The following NOL4L variants were observed in gnomAD, a reference collection of about 807,000 sequenced individuals.
NOL4L encodes nucleolar protein 4 like.
In NOL4L, 7 loss-of-function variants were observed where a neutral mutation model predicts 64.5. The ratio of observed to expected loss-of-function variants is 0.11; its 90% confidence interval spans 0.06 to 0.20. NOL4L has a LOEUF of 0.20. Among genes scored for constraint, NOL4L ranks in the 10% least tolerant of loss-of-function variants. NOL4L has a pLI of 1.00. For missense variants in NOL4L, 680 were observed against 967.1 expected (o/e 0.70, Z 3.94); for synonymous variants, 413 against 401.0 (o/e 1.03, Z -0.36).
intron 2 of NOL4L, among the ~76,000 whole-genome samples, chr20:32,526,270 T>C (rs2018129043): frequency 6.6e-6 from 1 of 152,138 alleles, no homozygotes; most frequent in Admixed American, 6.5e-5. Flanking sequence ...TGGGTGCCTC[T>C]TCCTTCTTCT....
intron 1 of NOL4L, among the ~76,000 whole-genome samples, chr20:32,554,631 G>A (rs1462582278): frequency 6.6e-6 from 1 of 152,066 alleles, no homozygotes; most frequent in Non-Finnish European, 1.5e-5. Flanking sequence ...ACCCTCTCCT[G>A]GGAAACCCCC....
chr20:32,556,274 TGG>T (rs58089481), intron 1 of NOL4L, among the ~76,000 whole-genome samples: 6,017 of 144,124 alleles, frequency 0.042, 374 homozygotes, highest in African/African-American at 0.14. Context: ...ATTTCCTTTG[TGG>T]GGGGGGGGGG....
At chr20:32,515,834 G>C (rs2145564700) in intron 3 of NOL4L, among the ~76,000 whole-genome samples, 1 of 152,346 alleles carries the variant, frequency 6.6e-6, no homozygotes, top group South Asian at 2.1e-4. Context: ...TCATCCAGCA[G>C]GTTGCTGGCA....
Position 32,453,750 on chromosome 20 carries a change from G to A in NOL4L, c.1131C>T (p.Tyr377=). Residue 377 remains tyrosine (Y), a synonymous_variant, in exon 7 of 11, where the codon TAC becomes TAT. Transcript: ENST00000621426. This position sits in a 1 kb window ranked among gnomAD's most constrained non-coding sequence, Gnocchi z 5.6. ...TGATGGAATCGTAGCTCCCAGAGCT[G>A]TAGGGGGGGGACTAAAAGGAGGGCA... The part of the protein sequence containing the change: ...GVKTTPESPP[Y]SSGSYDSIKT... The A allele has an allele frequency of 6.4e-7, 1 of 1,553,232 alleles. No homozygotes were observed. The highest frequency in any genetic ancestry group is 2.4e-5 in the East Asian group (1 of 41,150).
At chr20:32,518,060 G>C (rs1481511855) in intron 3 of NOL4L, among the ~76,000 whole-genome samples, 1 of 152,150 alleles carries the variant, frequency 6.6e-6, no homozygotes, top group Non-Finnish European at 1.5e-5. Flanking sequence ...CACACAGTGG[G>C]GAACAGGGCT....
intron 4 of NOL4L, among the ~76,000 whole-genome samples, chr20:32,499,094 G>C (rs1387032973): frequency 6.6e-6 from 1 of 152,110 alleles, no homozygotes; most frequent in African/African-American, 2.4e-5. Context: ...GGTCAGGCTG[G>C]TCTCAAACTC....
At chr20:32,450,748 C>T (rs1368260492) in intron 10 of NOL4L, among the ~76,000 whole-genome samples, 1 of 152,120 alleles carries the variant, frequency 6.6e-6, no homozygotes, top group Non-Finnish European at 1.5e-5. Context: ...ACCACCCTCA[C>T]CTCACCTGCT....
At chr20:32,494,421 G>T (rs2016606049) in intron 4 of NOL4L, among the ~76,000 whole-genome samples, 1 of 152,018 alleles carries the variant, frequency 6.6e-6, no homozygotes, top group African/African-American at 2.4e-5. Flanking sequence ...TGCTGTTCCT[G>T]CTCCCCTGCC....
intron 4 of NOL4L, among the ~76,000 whole-genome samples, chr20:32,503,211 A>G (rs1568663706): frequency 6.6e-6 from 1 of 152,200 alleles, no homozygotes; most frequent in African/African-American, 2.4e-5. Flanking sequence ...AGGGCCAGAA[A>G]TTTACTGAGA....
At chr20:32,489,118 T>A (rs1000730394) in intron 4 of NOL4L, among the ~76,000 whole-genome samples, 1 of 146,034 alleles carries the variant, frequency 6.8e-6, no homozygotes, top group South Asian at 2.1e-4. Flanking sequence ...CATTTTTATA[T>A]CATCTGATTT....
intron 1 of NOL4L, among the ~76,000 whole-genome samples, chr20:32,562,056 C>T (rs145239114): frequency 4.6e-5 from 7 of 152,222 alleles, no homozygotes; most frequent in Non-Finnish European, 5.9e-5. Context: ...AGACCACAGG[C>T]GCGCTTACTC....
At position 32,485,058 on chromosome 20, in the gene NOL4L, C is replaced by CAAAAAAAAAAAAAAAAAAAAAAAAA. The variant is rs57444583; in HGVS notation, c.700-10341_700-10317dup. Among the ~76,000 whole-genome samples, 45 of 17,808 alleles carry CAAAAAAAAAAAAAAAAAAAAAAAAA rather than the reference C, an allele frequency of 2.5e-3. 2 individuals carry two copies. The highest frequency in any genetic ancestry group is 0.031 in the Middle Eastern group (1 of 32). The allele number at this position is 17,808 out of a possible 152,430, so 11.7% of individuals were successfully genotyped here. ...TCGTGGAATTCTGTGGGGAAATTGC[C>CAAAAAAAAAAAAAAAAAAAAAAAAA]AAAAAAAAAAAAAAAAAAAAAAAAA... On this transcript the variant is annotated intron_variant, in intron 4 of 10. Coordinates refer to ENST00000621426, the MANE Select transcript of NOL4L (RefSeq NM_001256798.2).
At chr20:32,459,813 C>T (rs190492656) in intron 5 of NOL4L, among the ~76,000 whole-genome samples, 149 of 152,334 alleles carry the variant, frequency 9.8e-4, no homozygotes, top group African/African-American at 3.2e-3. Context: ...GGATGACAGA[C>T]GTGAGCCACT....
intron 4 of NOL4L, chr20:32,509,879 G>A (rs775801227): frequency 2.3e-6 from 3 of 1,304,268 alleles, no homozygotes; most frequent in South Asian, 2.5e-5. Context: ...TTCTTCATGG[G>A]CACAGATGAG....
At chr20:32,535,539 C>T in intron 1 of NOL4L, 1 of 974,158 alleles carries the variant, frequency 1.0e-6, no homozygotes, top group African/African-American at 1.8e-5. Flanking sequence ...ACAGGCCTCA[C>T]ATATTCCAAG....
chr20:32,484,042 GC>G (rs2015930238), intron 4 of NOL4L, among the ~76,000 whole-genome samples: 1 of 151,964 alleles, frequency 6.6e-6, no homozygotes. Flanking sequence ...TCCGGTGGGG[GC>G]TGGGGGGAGA....
At chr20:32,522,582 G>T (rs2017984303) in intron 2 of NOL4L, among the ~76,000 whole-genome samples, 1 of 152,246 alleles carries the variant, frequency 6.6e-6, no homozygotes, top group African/African-American at 2.4e-5. Context: ...GCAGCAAGAA[G>T]GGCCCTGCCC....
intron 4 of NOL4L, among the ~76,000 whole-genome samples, chr20:32,508,352 G>A (rs1164846664): frequency 6.6e-6 from 1 of 152,204 alleles, no homozygotes; most frequent in Non-Finnish European, 1.5e-5. Flanking sequence ...AGACTGCTGG[G>A]TCCTTGGCCC....
intron 5 of NOL4L, among the ~76,000 whole-genome samples, chr20:32,473,398 G>C (rs1429587790): frequency 1.3e-5 from 2 of 152,222 alleles, no homozygotes; most frequent in Non-Finnish European, 2.9e-5. Flanking sequence ...ACGCTGGAAG[G>C]CGGCACTGGC....
Sources: gnomAD v4.1 joint callset for allele counts (sites outside exome capture counted in the v4.1 genomes callset) on GRCh38, gnomAD v4.1.1 for gene constraint, Gnocchi (gnomAD v3.1) non-coding constraint, MANE v1.5 for transcripts, NCBI Gene and HGNC (gene_info 2026-07-23, HGNC 2026-07-21) for gene names.